Variants in ITGB1 observed in about 807,000 individuals in gnomAD.
ITGB1 encodes integrin subunit beta 1, also known as integrin beta-1.
In ITGB1, 24 loss-of-function variants were observed where a neutral mutation model predicts 86.5. That is an observed-to-expected ratio of 0.28 (90% CI 0.20 to 0.39). The LOEUF (loss-of-function observed/expected upper bound fraction) is 0.39, where lower values mean the gene tolerates loss of function less well. Among genes scored for constraint, ITGB1 ranks in the 10% least tolerant of loss-of-function variants. ITGB1 has a pLI of 1.00. For synonymous variants in ITGB1, 323 were observed against 316.8 expected (o/e 1.02, Z -0.21); for missense variants, 556 against 946.9 (o/e 0.59, Z 5.42).
At chr10:32,947,624 T>A (rs2095034414) in intron 1 of ITGB1, among the ~76,000 whole-genome samples, 1 of 152,222 alleles carries the variant, frequency 6.6e-6, no homozygotes. Context: ...CCATGTTTTC[T>A]GTATCTAGCG....
intron 2 of ITGB1, chr10:32,933,579 A>C: frequency 6.6e-6 from 1 of 152,226 alleles, no homozygotes; most frequent in East Asian, 1.9e-4. Context: ...CTTCTTATAG[A>C]AAATCTGGAA....
At chr10:32,919,413 ATATT>A (rs2094941892) in intron 11 of ITGB1, among the ~76,000 whole-genome samples, 1 of 152,236 alleles carries the variant, frequency 6.6e-6, no homozygotes, top group South Asian at 2.1e-4. Context: ...TTTACAACAC[ATATT>A]TATTTTTTAA....
intron 1 of ITGB1, chr10:32,935,847 T>A: frequency 4.2e-6 from 1 of 239,510 alleles, no homozygotes; most frequent in Non-Finnish European, 8.2e-6. Context: ...TTAACAGCGC[T>A]CAAAAAAAAA....
At chr10:32,903,762 C>G (rs568150752) in intron 15 of ITGB1, among the ~76,000 whole-genome samples, 2 of 152,290 alleles carry the variant, frequency 1.3e-5, no homozygotes, top group Middle Eastern at 6.8e-3. Context: ...ATACATTATA[C>G]AGCTGTGAGA....
chr10:32,909,143 C>T (rs2094905665), intron 14 of ITGB1, among the ~76,000 whole-genome samples: 1 of 152,160 alleles, frequency 6.6e-6, no homozygotes, highest in South Asian at 2.1e-4. Flanking sequence ...ATAAAGAAAG[C>T]TACAAGACCA....
At chr10:32,952,192 G>C (rs1003715570) in intron 1 of ITGB1, among the ~76,000 whole-genome samples, 1 of 151,894 alleles carries the variant, frequency 6.6e-6, no homozygotes, top group African/African-American at 2.4e-5. Flanking sequence ...TTATATGAAA[G>C]CTCTTATCAG....
chr10:32,934,038 C>G (rs1250844129), intron 2 of ITGB1, among the ~76,000 whole-genome samples: 3 of 152,086 alleles, frequency 2.0e-5, no homozygotes, highest in African/African-American at 7.2e-5. Flanking sequence ...TGCTGATGAT[C>G]TTATATATAA....
At chr10:32,910,583 A>G in intron 13 of ITGB1, 128 bp from the exon 14 acceptor site, 1 of 586,520 alleles carries the variant, frequency 1.7e-6, no homozygotes, top group South Asian at 2.7e-5. Context: ...AGATTTCAAT[A>G]AATGAAGAGG....
intron 1 of ITGB1, among the ~76,000 whole-genome samples, chr10:32,937,554 CAAAAA>C (rs56280552): frequency 4.4e-5 from 4 of 91,900 alleles, no homozygotes; most frequent in Non-Finnish European, 6.1e-5. Flanking sequence ...GACTCCGTCT[CAAAAA>C]AAAAAAAAAA....
At chr10:32,917,516 C>A (rs901600066) in intron 11 of ITGB1, among the ~76,000 whole-genome samples, 3 of 152,022 alleles carry the variant, frequency 2.0e-5, no homozygotes, top group Non-Finnish European at 4.4e-5. Context: ...AACAACCCCA[C>A]CAAAAAGTGG....
chr10:32,957,389 G>C (rs908319586), intron 1 of ITGB1, among the ~76,000 whole-genome samples: 3 of 152,204 alleles, frequency 2.0e-5, no homozygotes, highest in African/African-American at 7.2e-5. Flanking sequence ...CAGGCTCGCG[G>C]ACCGGGTCTG....
At chr10:32,913,590 G>C (rs2094921010) in intron 11 of ITGB1, among the ~76,000 whole-genome samples, 1 of 152,106 alleles carries the variant, frequency 6.6e-6, no homozygotes, top group Admixed American at 6.5e-5. Flanking sequence ...TCAAATGAAT[G>C]AAATGAAGTG....
chr10:32,943,736 G>C (rs955048735), intron 1 of ITGB1, among the ~76,000 whole-genome samples: 4 of 152,120 alleles, frequency 2.6e-5, no homozygotes. Context: ...CAGAGCCTGG[G>C]AACAGAACTG....
At chr10:32,918,504 C>T (rs758537508) in intron 11 of ITGB1, among the ~76,000 whole-genome samples, 3 of 152,190 alleles carry the variant, frequency 2.0e-5, no homozygotes, top group African/African-American at 4.8e-5. Context: ...AAAGTGTACA[C>T]ACATGTGCAA....
In ITGB1 at chr10:32,940,469, C is replaced by T. The variant is rs534296169; in HGVS notation, c.1-4911G>A. ...GCGTTTATAAGACTGGCAGCATGGTCGATTTGTTTACACCAGCATCACCAC... is the reference window on the plus strand; with the variant it reads ...GCGTTTATAAGACTGGCAGCATGGTTGATTTGTTTACACCAGCATCACCAC... On this transcript the variant is annotated intron_variant, in intron 1 of 15. Coordinates refer to ENST00000302278, the MANE Select transcript of ITGB1 (RefSeq NM_002211.4). 2.6e-5 allele frequency among the ~76,000 whole-genome samples: 4 copies of T among 152,182 alleles called. No individual in the cohort carries two copies. In the East Asian group the frequency reaches 5.8e-4, roughly 22 times the overall value.
chr10:32,947,156 A>C (rs946226717), intron 1 of ITGB1, among the ~76,000 whole-genome samples: 2 of 152,140 alleles, frequency 1.3e-5, no homozygotes, highest in Non-Finnish European at 2.9e-5. Flanking sequence ...TTCATTCTTT[A>C]TAAAACTTTC....
chr10:32,945,316 T>C (rs1478908108), intron 1 of ITGB1, among the ~76,000 whole-genome samples: 1 of 152,168 alleles, frequency 6.6e-6, no homozygotes, highest in African/African-American at 2.4e-5. Context: ...AAGTGGTTGA[T>C]AGGCTGGGTG....
chr10:32,905,043 T>TAA (rs5784310), intron 15 of ITGB1, among the ~76,000 whole-genome samples: 1 of 142,390 alleles, frequency 7.0e-6, no homozygotes, highest in African/African-American at 2.7e-5. Flanking sequence ...AAATATGTAT[T>TAA]AAAAAAAAAA....
intron 2 of ITGB1, among the ~76,000 whole-genome samples, chr10:32,934,507 C>T (rs967236686): frequency 2.0e-5 from 3 of 152,142 alleles, no homozygotes; most frequent in African/African-American, 7.2e-5. Context: ...TAGGGCAACA[C>T]TACTAATATA....
Sources: gnomAD v4.1 joint callset for allele counts (sites outside exome capture counted in the v4.1 genomes callset) on GRCh38, gnomAD v4.1.1 for gene constraint, MANE v1.5 for transcripts, NCBI Gene and HGNC (gene_info 2026-07-23, HGNC 2026-07-21) for gene names.